EDARADD: variants seen among roughly 807,000 people sequenced by gnomAD.
EDARADD encodes the protein EDAR associated via death domain, also known as ectodysplasin-A receptor-associated adapter protein.
A neutral mutation model predicts 25.6 loss-of-function variants in EDARADD; 20 were observed. The observed-to-expected ratio is 0.78, with a 90% CI of 0.55 to 1.14. The LOEUF is 1.14. Among genes scored for constraint, EDARADD ranks in the 50% most tolerant of loss-of-function variants. EDARADD has a pLI of 0.00. For synonymous variants in EDARADD, 86 were observed against 94.4 expected (o/e 0.91, Z 0.52); for missense variants, 225 against 270.1 (o/e 0.83, Z 1.17).
At chr1:236,446,808 A>G (rs956373667) in intron 4 of EDARADD, among the ~76,000 whole-genome samples, 20 of 152,176 alleles carry the variant, frequency 1.3e-4, no homozygotes, top group African/African-American at 4.8e-4. Flanking sequence ...CTAGACTGTG[A>G]GTTGCTTAAG....
At chr1:236,463,362 T>C (rs6673215) in intron 4 of EDARADD, among the ~76,000 whole-genome samples, 83,956 of 152,062 alleles carry the variant, frequency 0.55, 23,341 homozygotes, top group East Asian at 0.61. Flanking sequence ...GGCGAGATCT[T>C]GGTTCACTGC....
At chr1:236,375,736 A>G (rs1037893607) in intron 3 of EDARADD, among the ~76,000 whole-genome samples, 5 of 149,944 alleles carry the variant, frequency 3.3e-5, no homozygotes, top group Middle Eastern at 3.5e-3. Context: ...AAAATTTAAA[A>G]ATTAGCTGAG....
At chr1:236,480,334 T>A (rs1184322190) in intron 5 of EDARADD, among the ~76,000 whole-genome samples, 1 of 151,976 alleles carries the variant, frequency 6.6e-6, no homozygotes, top group African/African-American at 2.4e-5. Context: ...GACATTTTGG[T>A]TGTTTTTGAA....
intron 2 of EDARADD, among the ~76,000 whole-genome samples, chr1:236,412,389 CTG>C (rs1274264495): frequency 6.6e-6 from 1 of 152,184 alleles, no homozygotes; most frequent in African/African-American, 2.4e-5. Flanking sequence ...TCTTGCAAGA[CTG>C]TGTTGACCAT....
rs1185846328 is a variant in EDARADD at position 236,464,250 on chromosome 1, A to G, written c.220-3981A>G. Reference sequence around the variant, plus strand: ...CAGAGCCCATCACCTTTCTGCAAGTATTATTTTTTTTTTTTTGGAGATGGA... The same window carrying G: ...CAGAGCCCATCACCTTTCTGCAAGTGTTATTTTTTTTTTTTTGGAGATGGA... On this transcript the variant is annotated intron_variant, in intron 4 of 5. Transcript: ENST00000334232. Among the ~76,000 whole-genome samples, 4 of 142,392 alleles carry G rather than the reference A, an allele frequency of 2.8e-5. No individual in the cohort carries two copies. The Admixed American group carries it at 2.9e-4, about 10-fold the overall frequency. 93.4% of individuals were successfully genotyped at this position (142,392 alleles called of 152,430 possible). A position where few individuals can be genotyped will look rare whatever the true frequency, so the allele number is the denominator to read the frequency against.
At chr1:236,429,388 TA>T (rs1658034927) in intron 4 of EDARADD, among the ~76,000 whole-genome samples, 1 of 151,222 alleles carries the variant, frequency 6.6e-6, no homozygotes, top group African/African-American at 2.4e-5. Context: ...TTTATTTATT[TA>T]TTTTTTTAGA....
rs1659726231 is a variant in EDARADD, at chr1:236,483,101, T to C, written c.*452T>C. The C allele has an allele frequency of 1.1e-5, 12 of 1,079,436 alleles. No homozygotes were observed. The highest frequency in any genetic ancestry group is 1.3e-5 in the Non-Finnish European group (9 of 715,436). The allele number at this position is 1,079,436 out of a possible 1,614,324, so 66.9% of individuals were successfully genotyped here. On this transcript the variant is annotated 3_prime_UTR_variant, in exon 6 of 6. Transcript: ENST00000334232. ...AAAACAGCTACAAGGAATGCTTACCTGAGTGTCTGCAGCACCCTCCACTTC... is the reference window on the plus strand; with the variant it reads ...AAAACAGCTACAAGGAATGCTTACCCGAGTGTCTGCAGCACCCTCCACTTC...
At chr1:236,372,005 T>G (rs1323348994) in intron 3 of EDARADD, among the ~76,000 whole-genome samples, 4 of 150,378 alleles carry the variant, frequency 2.7e-5, no homozygotes, top group African/African-American at 9.8e-5. Flanking sequence ...CTCCCAGGCT[T>G]TAGTGCAGTG....
rs561062155 is a variant in EDARADD at position 236,425,498 on chromosome 1, G to A, written c.161-1894G>A. 4.6e-5 allele frequency among the ~76,000 whole-genome samples: 7 copies of A among 152,258 alleles called. No individual in the cohort carries two copies. In the South Asian group the frequency reaches 1.4e-3, roughly 32 times the overall value. On this transcript the variant is annotated intron_variant, in intron 3 of 5. Coordinates refer to ENST00000334232, the MANE Select transcript of EDARADD (RefSeq NM_145861.4). ...CCTCTGTCTGCAAAGGACCGCCCCC[G>A]TGGCTGACCTGGGGATGCACTTCAC...
intron 3 of EDARADD, among the ~76,000 whole-genome samples, chr1:236,365,599 GC>G (rs1193462600): frequency 2.0e-5 from 3 of 152,156 alleles, no homozygotes; most frequent in Non-Finnish European, 2.9e-5. Flanking sequence ...GAGCCACCAT[GC>G]CTGCTTGGTT....
chr1:236,418,075 TC>T (rs1657687272), intron 3 of EDARADD, among the ~76,000 whole-genome samples: 1 of 151,638 alleles, frequency 6.6e-6, no homozygotes, highest in Non-Finnish European at 1.5e-5. Context: ...TGCCTCAGCC[TC>T]CCGAATAGCT....
chr1:236,422,570 G>T (rs1657808124), intron 3 of EDARADD, among the ~76,000 whole-genome samples: 1 of 152,200 alleles, frequency 6.6e-6, no homozygotes, highest in Non-Finnish European at 1.5e-5. Flanking sequence ...CTTTATCAGG[G>T]ATATCCTGGT....
At chr1:236,361,844 G>A (rs991503796) in intron 3 of EDARADD, among the ~76,000 whole-genome samples, 2 of 151,622 alleles carry the variant, frequency 1.3e-5, no homozygotes, top group Admixed American at 1.3e-4. Flanking sequence ...CCAGTTTGGG[G>A]CTATTACAAA....
chr1:236,384,953 A>G (rs996818590), intron 3 of EDARADD, among the ~76,000 whole-genome samples: 3 of 152,122 alleles, frequency 2.0e-5, no homozygotes, highest in Non-Finnish European at 4.4e-5. Context: ...TTTGTTATAT[A>G]GCAAAGATTA....
chr1:236,372,683 G>C (rs1667185682), intron 3 of EDARADD, among the ~76,000 whole-genome samples: 1 of 152,086 alleles, frequency 6.6e-6, no homozygotes, highest in South Asian at 2.1e-4. Flanking sequence ...ATCCATCTGG[G>C]CCTGGTGCTT....
intron 4 of EDARADD, among the ~76,000 whole-genome samples, chr1:236,466,438 TAAACAC>T (rs1478573143): frequency 2.1e-5 from 2 of 95,246 alleles, no homozygotes; most frequent in African/African-American, 1.1e-4. Context: ...CTCTCTCTGA[TAAACAC>T]ACACACACAC....
rs1571963922 is a variant in EDARADD, at chr1:236,482,925, T to C, written c.*276T>C. 5.0e-6 allele frequency: 3 copies of C among 605,812 alleles called. No individual in the cohort carries two copies. Among genetic ancestry groups the C allele is most frequent in the Non-Finnish European group, 8.7e-6 (3 of 345,672 alleles). 37.5% of individuals were successfully genotyped at this position (605,812 alleles called of 1,614,324 possible). A position where few individuals can be genotyped will look rare whatever the true frequency, so the allele number is the denominator to read the frequency against. ...AAGGGCCAAAGTCCTACAATCGGAATGGATTCATGCCACGTTGAAGATAAA... is the reference window on the plus strand; with the variant it reads ...AAGGGCCAAAGTCCTACAATCGGAACGGATTCATGCCACGTTGAAGATAAA... On this transcript the variant is annotated 3_prime_UTR_variant, in exon 6 of 6. Transcript: ENST00000334232.
upstream of EDARADD, among the ~76,000 whole-genome samples, chr1:236,391,318 A>G (rs1667424092): frequency 1.3e-5 from 2 of 152,200 alleles, no homozygotes; most frequent in Non-Finnish European, 2.9e-5. Flanking sequence ...GAAAACTTGG[A>G]CACTATTACC....
intron 3 of EDARADD, among the ~76,000 whole-genome samples, chr1:236,353,060 C>T (rs1462680523): frequency 6.6e-6 from 1 of 151,894 alleles, no homozygotes; most frequent in South Asian, 2.1e-4. Context: ...ATGGTACTAA[C>T]AGTAGTGAAT....
Sources: gnomAD v4.1 joint callset for allele counts (sites outside exome capture counted in the v4.1 genomes callset) on GRCh38, gnomAD v4.1.1 for gene constraint, MANE v1.5 for transcripts, NCBI Gene and HGNC (gene_info 2026-07-23, HGNC 2026-07-21) for gene names.